The following OSBPL5 variants were observed in gnomAD, a reference collection of about 807,000 sequenced individuals.
OSBPL5 encodes the protein oxysterol-binding protein-related protein 5.
A neutral mutation model predicts 111.2 loss-of-function variants in OSBPL5; 71 were observed. That is an observed-to-expected ratio of 0.64 (90% CI 0.53 to 0.78). OSBPL5 has a LOEUF of 0.78. Among genes scored for constraint, OSBPL5 ranks in the 30% least tolerant of loss-of-function variants. The probability of loss-of-function intolerance (pLI) is 0.00; values close to 1 mark genes in which losing one functional copy is unlikely to be tolerated. For missense variants in OSBPL5, 1,210 were observed against 1,189.3 expected (o/e 1.02, Z -0.26); for synonymous variants, 549 against 513.9 (o/e 1.07, Z -0.93).
rs778301399 is a variant in OSBPL5, at chr11:3,089,917, C to A, written c.2430G>T (p.Lys810Asn). The A allele has an allele frequency of 1.3e-6, 2 of 1,564,098 alleles. No homozygotes were observed. Among genetic ancestry groups the A allele is most frequent in the Non-Finnish European group, 1.7e-6 (2 of 1,154,758 alleles). Residue 810 changes from lysine (K) to asparagine (N), a missense_variant, in exon 21 of 22, where the codon AAG becomes AAT. Physicochemically the swap from Lys to Asn is moderately conservative, Grantham distance 94. Coordinates refer to ENST00000263650, the MANE Select transcript of OSBPL5 (RefSeq NM_020896.4). ...GGESPCPRCRKEARRLQALHE... is the reference protein window; with the variant it reads ...GGESPCPRCRNEARRLQALHE... ...GCAGGGCCTGCAGCCGCCGCGCCTC[C>A]TTCCTGCACCGAGGGCATGGGCTCT...
chr11:3,144,153 A>G (rs1467410721), intron 1 of OSBPL5, among the ~76,000 whole-genome samples: 1 of 152,198 alleles, frequency 6.6e-6, no homozygotes, highest in African/African-American at 2.4e-5. Context: ...AGGCTGCATC[A>G]GGACAGAAAC....
chr11:3,088,342 G>A lies in OSBPL5; in HGVS notation c.2503C>T (p.His835Tyr), dbSNP rs1292119716. 3 of 1,566,066 alleles carry A rather than the reference G, an allele frequency of 1.9e-6. No homozygotes were observed. The highest frequency in any genetic ancestry group is 2.3e-5 in the South Asian group (2 of 85,610). Residue 835 changes from histidine to tyrosine, a missense_variant and splice_region_variant, in exon 22 of 22, where the codon CAC (histidine) becomes TAC (tyrosine). His to Tyr is a moderately conservative substitution (Grantham distance 83). Transcript: ENST00000263650. ...IREAQQELHR[H>Y]LSAMLSSTAR... ...GTGGAGCTCAGCATGGCCGAGAGGTGCCTGCAAGGACAGGCGACAGATCGT... is the reference window on the plus strand; with the variant it reads ...GTGGAGCTCAGCATGGCCGAGAGGTACCTGCAAGGACAGGCGACAGATCGT...
intron 13 of OSBPL5, 49 bp downstream of exon 13, chr11:3,101,554 C>T (rs774126938): frequency 1.3e-6 from 2 of 1,538,654 alleles, no homozygotes; most frequent in East Asian, 4.5e-5. Context: ...TCCTCCCGAC[C>T]ATCGCATTTC....
intron 1 of OSBPL5, chr11:3,163,970 TGTACCAAGGAGGTGGGATAAAAACGTGCA>T (rs1165985772): frequency 6.6e-5 from 10 of 152,258 alleles, no homozygotes; most frequent in African/African-American, 2.4e-4. Flanking sequence ...CAAGGCCCTG[TGTACCAAGGAGGTGGGATAAAAACGTGCA>T]GAGGGGCCTT....
chr11:3,158,287 C>T (rs1274504855), intron 1 of OSBPL5, among the ~76,000 whole-genome samples: 1 of 152,272 alleles, frequency 6.6e-6, no homozygotes, highest in Non-Finnish European at 1.5e-5. Flanking sequence ...GGAAACCCAG[C>T]ATGGGCGCTG....
At chr11:3,102,053 G>T in intron 12 of OSBPL5, 130 bp downstream of exon 12, 1 of 878,780 alleles carries the variant, frequency 1.1e-6, no homozygotes, top group Non-Finnish European at 1.8e-6. Flanking sequence ...CGGTGTGCAG[G>T]ATGTGGGGTC....
In OSBPL5 at chr11:3,130,527, C is replaced by CA. The variant is rs775679738; in HGVS notation, c.-21-1359dup. On this transcript the variant is annotated intron_variant, in intron 1 of 21. Transcript: ENST00000263650. The surrounding 1 kb of genome is among the most constrained non-coding windows in gnomAD (Gnocchi z 4.5). ...CACCCCAGAGCCCCCTCTGTGCCCCCAGTCCTGAAGTCAGAGTGGGGAGGG... is the reference window on the plus strand; with the variant it reads ...CACCCCAGAGCCCCCTCTGTGCCCCCAAGTCCTGAAGTCAGAGTGGGGAGGG... Among the ~76,000 whole-genome samples, 2 of 152,192 alleles carry CA rather than the reference C, an allele frequency of 1.3e-5. No individual in the cohort carries two copies. The highest frequency in any genetic ancestry group is 2.9e-5 in the Non-Finnish European group (2 of 68,026).
Position 3,126,773 on chromosome 11 carries a change from G to A in OSBPL5, c.137-218C>T, listed in dbSNP as rs2007660. ...AGGAGTGTGCCAGGAGAACTGGCAG[G>A]GCCTCCAGGACCTACAGGGAGGAAG... On this transcript the variant is annotated intron_variant, in intron 2 of 21. Coordinates refer to ENST00000263650, the MANE Select transcript of OSBPL5 (RefSeq NM_020896.4). This position sits in a 1 kb window ranked among gnomAD's most constrained non-coding sequence, Gnocchi z 6.5. 0.11 allele frequency: 51,495 copies of A among 452,982 alleles called. 3,107 individuals carry two copies. Among genetic ancestry groups the A allele is most frequent in the South Asian group, 0.13 (4,357 of 33,030 alleles). The allele number at this position is 452,982 out of a possible 1,614,324, so 28.1% of individuals were successfully genotyped here. A position where few individuals can be genotyped will look rare whatever the true frequency, so the allele number is the denominator to read the frequency against.
At chr11:3,128,072 G>T (rs2134472971) in intron 2 of OSBPL5, among the ~76,000 whole-genome samples, 1 of 152,340 alleles carries the variant, frequency 6.6e-6, no homozygotes, top group East Asian at 1.9e-4. Context: ...TACCTTGCCG[G>T]GTGTCGAGTG....
chr11:3,160,428 C>T (rs749748206), intron 1 of OSBPL5, among the ~76,000 whole-genome samples: 20 of 152,338 alleles, frequency 1.3e-4, no homozygotes, highest in Non-Finnish European at 2.9e-4. Flanking sequence ...AAGCGACCCA[C>T]ACTCCCCGCG....
At chr11:3,125,004 C>G (rs2134465667) in intron 3 of OSBPL5, among the ~76,000 whole-genome samples, 1 of 152,330 alleles carries the variant, frequency 6.6e-6, no homozygotes, top group South Asian at 2.1e-4. Flanking sequence ...ACCCTTGGGT[C>G]TGGTCACTGC....
rs1857153380 is a variant in OSBPL5, at chr11:3,093,842, G to A, written c.1720-7C>T. 1.9e-6 allele frequency: 3 copies of A among 1,609,044 alleles called. No homozygotes were observed. Among genetic ancestry groups the A allele is most frequent in the Non-Finnish European group, 2.5e-6 (3 of 1,179,226 alleles). Reference sequence around the variant, plus strand: ...TGCTACCCCCGAAGAAGGGCTGCGGGGCCACACCCAGAACAGAGCCCAGTG... The same window carrying A: ...TGCTACCCCCGAAGAAGGGCTGCGGAGCCACACCCAGAACAGAGCCCAGTG... On this transcript the variant is annotated splice_region_variant and splice_polypyrimidine_tract_variant and intron_variant, in intron 15 of 21. Coordinates refer to ENST00000263650, the MANE Select transcript of OSBPL5 (RefSeq NM_020896.4).
Position 3,104,249 on chromosome 11 carries a change from C to A in OSBPL5, c.1188G>T (p.Pro396=). The change falls in exon 10 of 22, where the codon CCG becomes CCT. Residue 396 remains proline, a synonymous_variant. Coordinates refer to ENST00000263650, the MANE Select transcript of OSBPL5 (RefSeq NM_020896.4). This position sits in a 1 kb window ranked among gnomAD's most constrained non-coding sequence, Gnocchi z 5.0. ...CGGAGAGCTTGTTCAGGAAGGAGCG[C>A]GGCTCCAGTACGAACGTGGGTAGCA... ...RVVLPTFVLE[P]RSFLNKLSDY... The A allele has an allele frequency of 6.2e-7, 1 of 1,613,538 alleles. No homozygotes were observed. The highest frequency in any genetic ancestry group is 8.5e-7 in the Non-Finnish European group (1 of 1,179,710).
At position 3,093,156 on chromosome 11, in the gene OSBPL5, C is replaced by T. The variant is rs1857124714; in HGVS notation, c.1947-104G>A. On this transcript the variant is annotated intron_variant, in intron 17 of 21. Transcript: ENST00000263650. ...CACCAGAAGGAAGGCACAGAGCAAC[C>T]TCTGCGTGATTGCCTACAGTGACAG... The T allele has an allele frequency of 9.9e-6, 12 of 1,214,372 alleles. No individual in the cohort carries two copies. The South Asian group carries it at 1.8e-4, about 18-fold the overall frequency. The allele number at this position is 1,214,372 out of a possible 1,614,324, so 75.2% of individuals were successfully genotyped here.
chr11:3,163,107 C>A (rs76220159), intron 1 of OSBPL5, among the ~76,000 whole-genome samples: 1 of 152,196 alleles, frequency 6.6e-6, no homozygotes, highest in Admixed American at 6.5e-5. Context: ...CCCCCTGTCC[C>A]GGAGGTCAGA....
At chr11:3,093,329 GCTC>G in intron 17 of OSBPL5, 195 bp downstream of exon 17, 3 of 906,216 alleles carry the variant, frequency 3.3e-6, no homozygotes, top group Non-Finnish European at 3.2e-6. Context: ...ACGGCAGCCG[GCTC>G]CTCTCCAGGC....
At chr11:3,089,739 CA>C (rs1856992358) in intron 21 of OSBPL5, 106 bp downstream of exon 21, 1 of 1,032,484 alleles carries the variant, frequency 9.7e-7, no homozygotes. Flanking sequence ...GCTCCGATGA[CA>C]ACCCCAGCCG....
chr11:3,103,034 G>C (rs1857511549), intron 11 of OSBPL5, among the ~76,000 whole-genome samples: 1 of 152,194 alleles, frequency 6.6e-6, no homozygotes, highest in Admixed American at 6.5e-5. Context: ...GACCCGGCCT[G>C]AGCCATCCAG....
chr11:3,107,327 G>T lies in OSBPL5; in HGVS notation c.995C>A (p.Thr332Asn). ...CCCTCTCCGCACCGGGGCCCCAGGG[G>T]TCTCTGACTGGTCGCTGCCACTCTC... ...KTESGSDQSE[T>N]PGAPVRRGTT... is the part of the protein sequence containing the mutation. Residue 332 changes from threonine to asparagine, a missense_variant, in exon 9 of 22, where the codon ACC (threonine) becomes AAC (asparagine). Thr to Asn is a moderately conservative substitution (Grantham distance 65). Transcript: ENST00000263650. The surrounding 1 kb of genome is among the most constrained non-coding windows in gnomAD (Gnocchi z 6.1). 4 of 1,613,904 alleles carry T rather than the reference G, an allele frequency of 2.5e-6. No homozygotes were observed. The highest frequency in any genetic ancestry group is 2.5e-6 in the Non-Finnish European group (3 of 1,179,972).
Sources: gnomAD v4.1 joint callset for allele counts (sites outside exome capture counted in the v4.1 genomes callset) on GRCh38, gnomAD v4.1.1 for gene constraint, Gnocchi (gnomAD v3.1) non-coding constraint, MANE v1.5 for transcripts, NCBI Gene and HGNC (gene_info 2026-07-23, HGNC 2026-07-21) for gene names.